ZFHX3: variants seen among roughly 807,000 people sequenced by gnomAD.
ZFHX3 encodes the protein zinc finger homeobox 3.
A neutral mutation model predicts 279.1 loss-of-function variants in ZFHX3; 42 were observed. The observed-to-expected ratio is 0.15, with a 90% CI of 0.12 to 0.19. The LOEUF (loss-of-function observed/expected upper bound fraction) is 0.19, where lower values mean the gene tolerates loss of function less well. Ranked by LOEUF, ZFHX3 falls within the 10% of genes least tolerant of loss-of-function variation. ZFHX3 has a pLI of 1.00. For missense variants in ZFHX3, 4,981 were observed against 4,754.0 expected, an observed-to-expected ratio of 1.05 and a Z score of -1.40; for synonymous variants, 2,293 against 1,957.8, an observed-to-expected ratio of 1.17 and a Z score of -4.52.
chr16:73,554,597 G>C (rs1043809397), intron 2 of ZFHX3: 1 of 152,246 alleles, frequency 6.6e-6, no homozygotes, highest in Non-Finnish European at 1.5e-5. Flanking sequence ...TTAAATATTA[G>C]TTATTAAGAT....
intron 3 of ZFHX3, among the ~76,000 whole-genome samples, chr16:73,329,631 G>T (rs1004790324): frequency 6.6e-6 from 1 of 152,164 alleles, no homozygotes; most frequent in Non-Finnish European, 1.5e-5. Flanking sequence ...AGCAAGCCAG[G>T]CCACATTAAA....
intron 6 of ZFHX3, among the ~76,000 whole-genome samples, chr16:73,132,643 C>T (rs995340587): frequency 3.9e-5 from 6 of 152,048 alleles, no homozygotes; most frequent in South Asian, 4.2e-4. Context: ...GACAGCATCC[C>T]GGCCGTTTCT....
intron 1 of ZFHX3, among the ~76,000 whole-genome samples, chr16:73,036,740 G>T (rs1407025279): frequency 6.6e-6 from 1 of 152,102 alleles, no homozygotes; most frequent in Non-Finnish European, 1.5e-5. Flanking sequence ...TTTCTCCTTG[G>T]GTTAATCAAA....
intron 7 of ZFHX3, among the ~76,000 whole-genome samples, chr16:73,106,386 T>A (rs1231412616): frequency 6.6e-6 from 1 of 152,126 alleles, no homozygotes; most frequent in Admixed American, 6.6e-5. Flanking sequence ...GTTCCAAGAC[T>A]TTTGTTCTAG....
At position 73,070,926 on chromosome 16, in the gene ZFHX3, GCGCGCGCGCGCGCACACACACA is replaced by G. The variant is rs1443267770; in HGVS notation, c.-532-11936_-532-11915del. On this transcript the variant is annotated intron_variant, in intron 8 of 17. Transcript: ENST00000641206. ...TTCCTAGACCGTCTTGCGCGCGCGC[GCGCGCGCGCGCGCACACACACA>G]CACACACACACACACACACACACAT... Among the ~76,000 whole-genome samples, 6 of 29,554 alleles carry G rather than the reference GCGCGCGCGCGCGCACACACACA, an allele frequency of 2.0e-4. No individual in the cohort carries two copies. The East Asian group carries it at 9.2e-3, about 45-fold the overall frequency. The allele number at this position is 29,554 out of a possible 152,430, so 19.4% of individuals were successfully genotyped here.
At chr16:72,804,007 A>T (rs1002912642) in intron 7 of ZFHX3, among the ~76,000 whole-genome samples, 1 of 152,226 alleles carries the variant, frequency 6.6e-6, no homozygotes, top group Non-Finnish European at 1.5e-5. Flanking sequence ...CCATCAGCTG[A>T]CTGGGGTGCA....
At chr16:73,234,805 T>A (rs770694372) in intron 5 of ZFHX3, among the ~76,000 whole-genome samples, 1 of 152,252 alleles carries the variant, frequency 6.6e-6, no homozygotes, top group African/African-American at 2.4e-5. Context: ...GGGTAGGAAG[T>A]GTCTTCTGGA....
chr16:73,054,378 C>T (rs1233936675), intron 1 of ZFHX3, among the ~76,000 whole-genome samples: 2 of 151,368 alleles, frequency 1.3e-5, no homozygotes, highest in African/African-American at 2.4e-5. Context: ...ACCCGCCCCC[C>T]TACTTTCTGA....
intron 2 of ZFHX3, among the ~76,000 whole-genome samples, chr16:73,629,866 G>A (rs897842066): frequency 6.6e-6 from 1 of 152,158 alleles, no homozygotes; most frequent in African/African-American, 2.4e-5. Flanking sequence ...ATTCAAGGTG[G>A]TTTGAACTGA....
chr16:73,845,173 A>G (rs1368774823), intron 1 of ZFHX3, among the ~76,000 whole-genome samples: 1 of 152,230 alleles, frequency 6.6e-6, no homozygotes, highest in Non-Finnish European at 1.5e-5. Flanking sequence ...TGAAACATGC[A>G]CGCGACCATA....
intron 1 of ZFHX3, among the ~76,000 whole-genome samples, chr16:73,779,514 C>T (rs1207466308): frequency 6.6e-6 from 1 of 152,120 alleles, no homozygotes; most frequent in Admixed American, 6.5e-5. Flanking sequence ...TTTATTCATT[C>T]TCTCATTTAC....
At chr16:73,189,063 CA>C (rs954321257) in intron 5 of ZFHX3, among the ~76,000 whole-genome samples, 1 of 152,068 alleles carries the variant, frequency 6.6e-6, no homozygotes, top group Non-Finnish European at 1.5e-5. Flanking sequence ...AGGATTTCAC[CA>C]TATTGGCCAG....
intron 1 of ZFHX3, among the ~76,000 whole-genome samples, chr16:73,721,891 A>G (rs2053476886): frequency 6.6e-6 from 1 of 152,232 alleles, no homozygotes; most frequent in East Asian, 1.9e-4. Context: ...CAAAAATTAC[A>G]AAAACTAGCC....
intron 1 of ZFHX3, among the ~76,000 whole-genome samples, chr16:72,962,296 C>T (rs1026488613): frequency 1.2e-4 from 18 of 152,212 alleles, no homozygotes; most frequent in Admixed American, 7.8e-4. Context: ...TCTCTTGCTC[C>T]GTTCTCCTCT....
intron 2 of ZFHX3, among the ~76,000 whole-genome samples, chr16:73,482,591 A>C (rs2018889203): frequency 6.6e-6 from 1 of 152,172 alleles, no homozygotes; most frequent in Admixed American, 6.5e-5. Flanking sequence ...TTAGTAATGC[A>C]ATCCCGCAAA....
intron 2 of ZFHX3, among the ~76,000 whole-genome samples, chr16:73,616,108 AC>A (rs1597029420): frequency 6.6e-6 from 1 of 152,038 alleles, no homozygotes; most frequent in East Asian, 1.9e-4. Context: ...AAGGGCTGTC[AC>A]CACTCTGGGG....
At position 73,268,298 on chromosome 16, in the gene ZFHX3, C is replaced by G. The variant is rs983698419; in HGVS notation, c.-1193-11162G>C. On this transcript the variant is annotated intron_variant, in intron 4 of 17. Transcript: ENST00000641206. ...GTTCTGCAGAGTTCTGGGGGAGATG[C>G]TTTAGAATGTGGTGCACTATTCCCC... 5.9e-5 allele frequency among the ~76,000 whole-genome samples: 9 copies of G among 152,218 alleles called. 1 individual carries two copies. The highest frequency in any genetic ancestry group is 2.0e-4 in the Admixed American group (3 of 15,296).
At chr16:73,794,189 G>C (rs1176367957) in intron 1 of ZFHX3, 1 of 152,240 alleles carries the variant, frequency 6.6e-6, no homozygotes, top group East Asian at 1.9e-4. Flanking sequence ...CAGAAAGCTG[G>C]GTTTGGAAGG....
intron 3 of ZFHX3, among the ~76,000 whole-genome samples, chr16:73,366,646 A>G (rs1006907807): frequency 6.6e-6 from 1 of 151,660 alleles, no homozygotes; most frequent in African/African-American, 2.4e-5. Context: ...CCATGGAGCA[A>G]TGGTTCCAGA....
Sources: gnomAD v4.1 joint callset for allele counts (sites outside exome capture counted in the v4.1 genomes callset) on GRCh38, gnomAD v4.1.1 for gene constraint, MANE v1.5 for transcripts, NCBI Gene and HGNC (gene_info 2026-07-23, HGNC 2026-07-21) for gene names.